DNM1L: variants seen among roughly 807,000 people sequenced by gnomAD.
The protein encoded by DNM1L is dynamin 1L.
DNM1L carries 33 observed loss-of-function variants against 92.8 expected under a neutral mutation model. The observed-to-expected ratio is 0.36, with a 90% confidence interval of 0.27 to 0.48. DNM1L has a LOEUF of 0.48. Ranked by LOEUF, DNM1L falls within the 20% of genes least tolerant of loss-of-function variation. DNM1L has a pLI of 0.99. For missense variants in DNM1L, 485 were observed against 888.8 expected (o/e 0.55, Z 5.78); for synonymous variants, 284 against 305.0 (o/e 0.93, Z 0.72).
chr12:32,718,044 C>A (rs142610565), intron 6 of DNM1L, among the ~76,000 whole-genome samples: 2 of 117,172 alleles, frequency 1.7e-5, no homozygotes, highest in South Asian at 2.5e-4. Context: ...ACTATACATA[C>A]TATATATACT....
rs567061273 is a variant in DNM1L at position 32,717,883 on chromosome 12, AT to A, written c.620-757del. Among the ~76,000 whole-genome samples, 3 of 108,804 alleles carry A rather than the reference AT, an allele frequency of 2.8e-5. No homozygotes were observed. In the South Asian group the frequency reaches 7.3e-4, roughly 26 times the overall value. 71.4% of individuals were successfully genotyped at this position (108,804 alleles called of 152,430 possible). On this transcript the variant is annotated intron_variant, in intron 6 of 19. Transcript: ENST00000549701. ...ACTATATATAGTATATACTATATAT[AT>A]TTATATATACTATATATAGTATATA...
At chr12:32,694,575 G>C (rs1328109991) in intron 1 of DNM1L, among the ~76,000 whole-genome samples, 1 of 152,134 alleles carries the variant, frequency 6.6e-6, no homozygotes, top group Non-Finnish European at 1.5e-5. Context: ...ACCTCTAGTG[G>C]ATTAAATATC....
chr12:32,738,109 A>G, intron 15 of DNM1L, 155 bp from the exon 16 acceptor site: 1 of 1,053,540 alleles, frequency 9.5e-7, no homozygotes, highest in Non-Finnish European at 1.4e-6. Context: ...TGCAATGCAT[A>G]GTTTATATTG....
intron 6 of DNM1L, among the ~76,000 whole-genome samples, chr12:32,717,357 GTATATATAA>G (rs1953476260): frequency 1.8e-5 from 1 of 54,942 alleles, no homozygotes; most frequent in Admixed American, 2.8e-4. Flanking sequence ...ATTATATATA[GTATATATAA>G]TATATATACT....
intron 9 of DNM1L, among the ~76,000 whole-genome samples, chr12:32,724,965 G>A (rs1592642887): frequency 1.3e-5 from 2 of 151,850 alleles, no homozygotes; most frequent in South Asian, 2.1e-4. Context: ...CATACTTCAA[G>A]CAATAAGAAT....
Position 32,701,569 on chromosome 12 carries a change from T to C in DNM1L, c.250+7T>C. 1 of 1,610,422 alleles carries C rather than the reference T, an allele frequency of 6.2e-7. No homozygotes were observed. Among genetic ancestry groups the C allele is most frequent in the Non-Finnish European group, 8.5e-7 (1 of 1,176,798 alleles). On this transcript the variant is annotated splice_region_variant and intron_variant, in intron 2 of 19. Transcript: ENST00000549701. The stretch of plus-strand genomic sequence containing the variant: ...ACAACAGGAGAAGAAAATGGTAAAT[T>C]TCAGATTTGAGATAATTATTTTACA...
chr12:32,707,019 AAAG>A lies in DNM1L; in HGVS notation c.251-345_251-343del, dbSNP rs537594272. The A allele has an allele frequency of 1.1e-4, 26 of 237,412 alleles. No homozygotes were observed. The East Asian group carries it at 2.8e-3, about 26-fold the overall frequency. The allele number at this position is 237,412 out of a possible 1,614,324, so 14.7% of individuals were successfully genotyped here. A position where few individuals can be genotyped will look rare whatever the true frequency, so the allele number is the denominator to read the frequency against. On this transcript the variant is annotated intron_variant, in intron 2 of 19. Coordinates refer to ENST00000549701, the MANE Select transcript of DNM1L (RefSeq NM_012062.5). The stretch of plus-strand genomic sequence containing the variant: ...TTTTATATGTAAGATTTTCAAAACT[AAAG>A]AATATTCCTTTTACTGTAATATAAC...
chr12:32,684,866 T>G (rs1196825785), intron 1 of DNM1L, among the ~76,000 whole-genome samples: 1 of 152,182 alleles, frequency 6.6e-6, no homozygotes, highest in Non-Finnish European at 1.5e-5. Context: ...ATTTTTGGGT[T>G]GTTTCTATTT....
At chr12:32,705,879 T>C (rs751019992) in intron 2 of DNM1L, 1 of 1,597,408 alleles carries the variant, frequency 6.3e-7, no homozygotes, top group South Asian at 1.1e-5. Context: ...CTTTATCCAT[T>C]TGCTTTTGAC....
intron 2 of DNM1L, chr12:32,705,910 G>A (rs186080901): frequency 4.5e-6 from 7 of 1,548,580 alleles, no homozygotes. Context: ...TCTTATGCCT[G>A]CATGTGTGCT....
chr12:32,731,980 TAGTAAA>T lies in DNM1L; in HGVS notation c.1446+41_1446+46del, dbSNP rs760217152. 15 of 1,512,508 alleles carry T rather than the reference TAGTAAA, an allele frequency of 9.9e-6. No homozygotes were observed. Among genetic ancestry groups the T allele is most frequent in the Middle Eastern group, 1.8e-4 (1 of 5,448 alleles). The allele number at this position is 1,512,508 out of a possible 1,614,324, so 93.7% of individuals were successfully genotyped here. On this transcript the variant is annotated intron_variant, in intron 12 of 19. Transcript: ENST00000549701. The surrounding 1 kb of genome is among the most constrained non-coding windows in gnomAD (Gnocchi z 5.1). ...TAGCATAGATCATTGTAATTACTATTAGTAAAAGTTTAAATTTTTGCTTGGCTGCTT... is the reference window on the plus strand; with the variant it reads ...TAGCATAGATCATTGTAATTACTATTAGTTTAAATTTTTGCTTGGCTGCTT...
intron 1 of DNM1L, among the ~76,000 whole-genome samples, chr12:32,695,158 T>C (rs1952388215): frequency 6.6e-6 from 1 of 152,158 alleles, no homozygotes; most frequent in African/African-American, 2.4e-5. Context: ...CAAGAAACTA[T>C]ATTTTTGAAT....
At chr12:32,723,053 C>T (rs1434915579) in intron 9 of DNM1L, among the ~76,000 whole-genome samples, 2 of 151,692 alleles carry the variant, frequency 1.3e-5, no homozygotes, top group Non-Finnish European at 2.9e-5. Flanking sequence ...CACCTGTAGT[C>T]CCAGCTACTC....
chr12:32,720,280 AG>A (rs1953745326), intron 7 of DNM1L, among the ~76,000 whole-genome samples: 2 of 152,194 alleles, frequency 1.3e-5, no homozygotes, highest in Non-Finnish European at 2.9e-5. Context: ...GGGAGAAATT[AG>A]TTCCCTGTCC....
intron 16 of DNM1L, 58 bp from the exon 17 acceptor site, chr12:32,740,006 T>C (rs1565544204): frequency 6.2e-7 from 1 of 1,609,150 alleles, no homozygotes; most frequent in South Asian, 1.1e-5. Flanking sequence ...AAATGAACTT[T>C]GTTTTAGTTA....
chr12:32,717,990 G>GTATAGTATATATAATATA (rs1190206315), intron 6 of DNM1L, among the ~76,000 whole-genome samples: 1 of 108,120 alleles, frequency 9.2e-6, no homozygotes, highest in Non-Finnish European at 1.8e-5. Context: ...TATATAGTAT[G>GTATAGTATATATAATATA]TATAGTATAT....
chr12:32,685,066 A>T (rs1412386270), intron 1 of DNM1L, among the ~76,000 whole-genome samples: 4 of 150,774 alleles, frequency 2.7e-5, no homozygotes, highest in Non-Finnish European at 4.4e-5. Flanking sequence ...CAGCCTCCCG[A>T]GTAGCTGGGA....
At chr12:32,685,399 C>T (rs543450602) in intron 1 of DNM1L, among the ~76,000 whole-genome samples, 17 of 132,970 alleles carry the variant, frequency 1.3e-4, no homozygotes, top group African/African-American at 3.5e-4. Flanking sequence ...CTCACTTTCT[C>T]GCCCAGACTG....
At chr12:32,685,170 C>T (rs1042307772) in intron 1 of DNM1L, among the ~76,000 whole-genome samples, 12 of 152,010 alleles carry the variant, frequency 7.9e-5, no homozygotes, top group African/African-American at 2.9e-4. Context: ...ATCTCCTCAC[C>T]TCGTGATCCA....
Sources: gnomAD v4.1 joint callset for allele counts (sites outside exome capture counted in the v4.1 genomes callset) on GRCh38, gnomAD v4.1.1 for gene constraint, Gnocchi (gnomAD v3.1) non-coding constraint, MANE v1.5 for transcripts, NCBI Gene and HGNC (gene_info 2026-07-23, HGNC 2026-07-21) for gene names.